Variants in RUVBL1 observed in about 807,000 individuals in gnomAD.
The protein encoded by RUVBL1 is RuvB like AAA ATPase 1.
A neutral mutation model predicts 52.4 loss-of-function variants in RUVBL1; 4 were observed. The observed-to-expected ratio is 0.08, with a 90% CI of 0.04 to 0.17. The LOEUF (loss-of-function observed/expected upper bound fraction) is 0.17, where lower values mean the gene tolerates loss of function less well. RUVBL1 is among the 10% of genes least tolerant of loss of function. The probability of loss-of-function intolerance (pLI) is 1.00; values close to 1 mark genes in which losing one functional copy is unlikely to be tolerated. For missense variants in RUVBL1, 298 were observed against 572.8 expected, an observed-to-expected ratio of 0.52 and a Z score of 4.90; for synonymous variants, 217 against 214.4, an observed-to-expected ratio of 1.01 and a Z score of -0.10.
chr3:128,067,085 C>T lies in RUVBL1; in HGVS notation c.940-1865G>A. ...CTGCCCTGGTGTCCAACCTTTATGTCATCTCCCAAATGCTCTCAGCTCGCT... is the reference window on the plus strand; with the variant it reads ...CTGCCCTGGTGTCCAACCTTTATGTTATCTCCCAAATGCTCTCAGCTCGCT... On this transcript the variant is annotated intron_variant, in intron 9 of 9. Transcript: ENST00000464873. The surrounding 1 kb of genome is among the most constrained non-coding windows in gnomAD (Gnocchi z 4.1). 6.2e-7 allele frequency: 1 copy of T among 1,614,226 alleles called. No homozygotes were observed. The highest frequency in any genetic ancestry group is 1.1e-5 in the South Asian group (1 of 91,088).
At chr3:128,094,171 C>A (rs549487519) in intron 8 of RUVBL1, among the ~76,000 whole-genome samples, 8 of 152,262 alleles carry the variant, frequency 5.3e-5, no homozygotes, top group African/African-American at 1.9e-4. Flanking sequence ...TCAGAGAGGT[C>A]AAGGAACTCG....
chr3:128,132,518 A>C (rs774443040), intron 1 of RUVBL1, among the ~76,000 whole-genome samples: 12 of 152,106 alleles, frequency 7.9e-5, no homozygotes, highest in Non-Finnish European at 1.8e-4. Context: ...GAGGAGAGTA[A>C]AGGGGACTTT....
intron 8 of RUVBL1, among the ~76,000 whole-genome samples, chr3:128,089,842 A>G (rs1412305862): frequency 1.4e-5 from 2 of 142,542 alleles, no homozygotes; most frequent in South Asian, 2.4e-4. Context: ...CCCAGGAGGA[A>G]GAGGTTGCAG....
rs759770429 is a variant in RUVBL1, at chr3:128,069,491, C to T, written c.940-4271G>A. ...CCTCCCCCAGGTACATCCCCACAGC[C>T]GCGGCCTTTGGTGGGCTGTGCATCG... On this transcript the variant is annotated intron_variant, in intron 9 of 9. Coordinates refer to the RUVBL1 transcript ENST00000464873. 2.2e-5 allele frequency: 36 copies of T among 1,611,970 alleles called. No individual in the cohort carries two copies. The highest frequency in any genetic ancestry group is 1.8e-5 in the Non-Finnish European group (21 of 1,179,982).
At chr3:128,077,977 G>C (rs1227967975), downstream of RUVBL1, among the ~76,000 whole-genome samples, 1 of 152,182 alleles carries the variant, frequency 6.6e-6, no homozygotes, top group African/African-American at 2.4e-5. Context: ...TCACACACCA[G>C]GAAACCAAAG....
chr3:128,074,352 T>C (rs1231003534), intron 9 of RUVBL1, among the ~76,000 whole-genome samples: 1 of 149,928 alleles, frequency 6.7e-6, no homozygotes, highest in East Asian at 1.9e-4. Flanking sequence ...CATGAAATTC[T>C]AGAGCAGGAA....
At chr3:128,103,720 T>C (rs185114905) in intron 4 of RUVBL1, among the ~76,000 whole-genome samples, 2 of 152,286 alleles carry the variant, frequency 1.3e-5, no homozygotes, top group South Asian at 2.1e-4. Context: ...GATCCCAGGA[T>C]AACCATGTAA....
chr3:128,119,484 C>T lies in RUVBL1; in HGVS notation c.142-70G>A, dbSNP rs186836885. On this transcript the variant is annotated intron_variant, in intron 1 of 10. Coordinates refer to ENST00000322623, the MANE Select transcript of RUVBL1 (RefSeq NM_003707.3). ...TTTCACAAGGGGAAAAATCTCAGTC[C>T]CTGGCCTACACAAGTCACACACTCA... The T allele has an allele frequency of 4.4e-4, 566 of 1,286,874 alleles. 4 individuals carry two copies. The African/African-American group carries it at 7.0e-3, about 16-fold the overall frequency. The allele number at this position is 1,286,874 out of a possible 1,614,324, so 79.7% of individuals were successfully genotyped here. A position where few individuals can be genotyped will look rare whatever the true frequency, so the allele number is the denominator to read the frequency against.
intron 1 of RUVBL1, among the ~76,000 whole-genome samples, chr3:128,137,061 G>C (rs1284611919): frequency 1.3e-5 from 2 of 151,960 alleles, no homozygotes; most frequent in Admixed American, 1.3e-4. Flanking sequence ...CATTCTTAAG[G>C]ATAGACCACG....
intron 1 of RUVBL1, among the ~76,000 whole-genome samples, chr3:128,143,897 G>C (rs1267543096): frequency 6.6e-6 from 1 of 152,216 alleles, no homozygotes; most frequent in Non-Finnish European, 1.5e-5. Flanking sequence ...AGAAGAGGGA[G>C]TAGGTGCTGA....
In RUVBL1 at chr3:128,123,777, T is replaced by A. The variant is rs1279536606; in HGVS notation, c.-53A>T. 5 of 1,533,852 alleles carry A rather than the reference T, an allele frequency of 3.3e-6. No homozygotes were observed. The East Asian group carries it at 9.5e-5, about 29-fold the overall frequency. On this transcript the variant is annotated 5_prime_UTR_variant, in exon 1 of 11. Coordinates refer to ENST00000322623, the MANE Select transcript of RUVBL1 (RefSeq NM_003707.3). ...CGTGGAAAACCAGCAGCTAGGACAG[T>A]GCGCCCGGCGCCTGAGTTACCATGC...
Position 128,097,400 on chromosome 3 carries a change from T to C in RUVBL1, c.916A>G (p.Met306Val). 1.2e-6 allele frequency: 2 copies of C among 1,614,210 alleles called. No homozygotes were observed. Among genetic ancestry groups the C allele is most frequent in the Non-Finnish European group, 8.5e-7 (1 of 1,180,042 alleles). ...TAGGTGAAGCACTCAATGTCCAGCATGTGGACCTCATCAACAAACAGCACA... is the reference window on the plus strand; with the variant it reads ...TAGGTGAAGCACTCAATGTCCAGCACGTGGACCTCATCAACAAACAGCACA... ...PGVLFVDEVH[M>V]LDIECFTYLH... Residue 306 changes from methionine (M) to valine (V), a missense_variant, in exon 8 of 11, where the codon ATG becomes GTG. Met to Val is a conservative substitution (Grantham distance 21, BLOSUM62 1). Coordinates refer to ENST00000322623, the MANE Select transcript of RUVBL1 (RefSeq NM_003707.3).
At chr3:128,115,345 A>G (rs1382179500) in intron 2 of RUVBL1, among the ~76,000 whole-genome samples, 3 of 152,144 alleles carry the variant, frequency 2.0e-5, no homozygotes, top group South Asian at 2.1e-4. Context: ...AGAAATCTCT[A>G]TTTTTCAATC....
intron 1 of RUVBL1, among the ~76,000 whole-genome samples, chr3:128,120,867 G>T (rs946513361): frequency 6.6e-6 from 1 of 151,964 alleles, no homozygotes; most frequent in Non-Finnish European, 1.5e-5. Flanking sequence ...TAATCCACCT[G>T]CTACTCGGGA....
chr3:128,153,001 C>G (rs1234702509), intron 1 of RUVBL1, among the ~76,000 whole-genome samples: 7 of 48,140 alleles, frequency 1.5e-4, no homozygotes, highest in African/African-American at 4.9e-4. Context: ...CCGCCCCCCC[C>G]GCCCCCCTTC....
upstream of RUVBL1, among the ~76,000 whole-genome samples, chr3:128,124,690 T>C (rs1173290668): frequency 6.6e-6 from 1 of 152,208 alleles, no homozygotes; most frequent in African/African-American, 2.4e-5. Flanking sequence ...ATGCGTTTAC[T>C]TCTTGCTTAG....
intron 7 of RUVBL1, 26 bp downstream of exon 7, chr3:128,098,856 C>T (rs772584603): frequency 2.5e-6 from 4 of 1,609,294 alleles, no homozygotes; most frequent in South Asian, 2.2e-5. Flanking sequence ...CTGCCCCTTG[C>T]TCACAGGGCA....
rs575739862 is a variant in RUVBL1, at chr3:128,081,507, G to C, written c.1212-98C>G. 2 of 1,284,622 alleles carry C rather than the reference G, an allele frequency of 1.6e-6. No homozygotes were observed. Among genetic ancestry groups the C allele is most frequent in the Non-Finnish European group, 2.1e-6 (2 of 930,450 alleles). The allele number at this position is 1,284,622 out of a possible 1,614,324, so 79.6% of individuals were successfully genotyped here. ...AGGCAGCACTGGCACCAGGAGCAGA[G>C]CCCAGTGCTGGGCTTGTGCCAGCTG... On this transcript the variant is annotated intron_variant, in intron 10 of 10. Transcript: ENST00000322623. This position sits in a 1 kb window ranked among gnomAD's most constrained non-coding sequence, Gnocchi z 4.8.
intron 1 of RUVBL1, among the ~76,000 whole-genome samples, chr3:128,139,233 A>C (rs1943986076): frequency 6.6e-6 from 1 of 152,192 alleles, no homozygotes; most frequent in Non-Finnish European, 1.5e-5. Flanking sequence ...ACAACAAAGA[A>C]ACAATCAACA....
Sources: allele counts gnomAD v4.1 joint callset (sites outside exome capture counted in the v4.1 genomes callset), GRCh38; gene constraint gnomAD v4.1.1; non-coding constraint Gnocchi (gnomAD v3.1); transcripts MANE v1.5; gene names NCBI Gene and HGNC (gene_info 2026-07-23, HGNC 2026-07-21).